NRCAM: variants seen among roughly 807,000 people sequenced by gnomAD.
The protein encoded by NRCAM is neuronal cell adhesion molecule.
NRCAM carries 83 observed loss-of-function variants against 156.5 expected under a neutral mutation model. That is an observed-to-expected ratio of 0.53 (90% CI 0.44 to 0.64). The LOEUF (loss-of-function observed/expected upper bound fraction) is 0.64, where lower values mean the gene tolerates loss of function less well. Ranked by LOEUF, NRCAM falls within the 30% of genes least tolerant of loss-of-function variation. The pLI is 0.00. For synonymous variants in NRCAM, 538 were observed against 563.9 expected (o/e 0.95, Z 0.65); for missense variants, 1,417 against 1,597.3 (o/e 0.89, Z 1.92).
chr7:108,161,409 T>C (rs2048882140), intron 30 of NRCAM, among the ~76,000 whole-genome samples: 1 of 152,204 alleles, frequency 6.6e-6, no homozygotes. Flanking sequence ...AAAGTATCAA[T>C]CTTATGGGAA....
intron 2 of NRCAM, among the ~76,000 whole-genome samples, chr7:108,361,091 C>T (rs1373023457): frequency 6.6e-6 from 1 of 152,048 alleles, no homozygotes; most frequent in African/African-American, 2.4e-5. Flanking sequence ...TGACTAGAGA[C>T]CTCACAAAAT....
At chr7:108,326,879 A>C (rs979974381) in intron 2 of NRCAM, among the ~76,000 whole-genome samples, 2 of 152,176 alleles carry the variant, frequency 1.3e-5, no homozygotes, top group Non-Finnish European at 2.9e-5. Context: ...AGGGATAAAA[A>C]CCTTTTTCAA....
chr7:108,263,020 G>A (rs1259627812), intron 3 of NRCAM, among the ~76,000 whole-genome samples: 1 of 152,166 alleles, frequency 6.6e-6, no homozygotes, highest in Non-Finnish European at 1.5e-5. Context: ...TTGACTTGGG[G>A]GAATGCATAG....
intron 11 of NRCAM, among the ~76,000 whole-genome samples, chr7:108,221,317 C>T (rs2092185172): frequency 6.6e-6 from 1 of 152,284 alleles, no homozygotes; most frequent in Non-Finnish European, 1.5e-5. Flanking sequence ...AAAAGTAGAA[C>T]TGCCATTTCA....
At chr7:108,205,162 A>G (rs939729526) in intron 13 of NRCAM, among the ~76,000 whole-genome samples, 2 of 152,138 alleles carry the variant, frequency 1.3e-5, no homozygotes, top group Non-Finnish European at 2.9e-5. Flanking sequence ...CCCCTCATGA[A>G]TGAGATTGGT....
chr7:108,211,199 A>G (rs1220836170), intron 11 of NRCAM, among the ~76,000 whole-genome samples: 3 of 151,974 alleles, frequency 2.0e-5, no homozygotes, highest in Non-Finnish European at 4.4e-5. Flanking sequence ...GCTGAGTGAA[A>G]TACAGGGGTA....
At chr7:108,350,918 A>G (rs947660628) in intron 2 of NRCAM, among the ~76,000 whole-genome samples, 3 of 152,212 alleles carry the variant, frequency 2.0e-5, no homozygotes, top group Non-Finnish European at 2.9e-5. Context: ...TATATGTTAT[A>G]TACACAAGTT....
At chr7:108,388,607 T>C (rs1159213478) in intron 2 of NRCAM, among the ~76,000 whole-genome samples, 2 of 152,220 alleles carry the variant, frequency 1.3e-5, no homozygotes, top group African/African-American at 4.8e-5. Context: ...CCATTGCTTT[T>C]GGTGTTTTAG....
intron 12 of NRCAM, 123 bp downstream of exon 12, chr7:108,209,298 A>G: frequency 1.5e-6 from 1 of 660,902 alleles, no homozygotes; most frequent in African/African-American, 1.9e-5. Context: ...AAGAGAGTCA[A>G]GGTACCATGA....
rs372267865 is a variant in NRCAM at position 108,329,421 on chromosome 7, C to T, written c.-173-16690G>A. Among the ~76,000 whole-genome samples the T allele has an allele frequency of 9.9e-5, 15 of 152,260 alleles. No homozygotes were observed. In the East Asian group the frequency reaches 2.1e-3, roughly 22 times the overall value. ...CACAAATCCTTAACCATTTATTTTG[C>T]TTAAACTTCTAATGATTGCTTTTCA... On this transcript the variant is annotated intron_variant, in intron 2 of 32. Transcript: ENST00000379028.
At chr7:108,352,240 C>A (rs1408210810) in intron 2 of NRCAM, among the ~76,000 whole-genome samples, 1 of 152,144 alleles carries the variant, frequency 6.6e-6, no homozygotes, top group African/African-American at 2.4e-5. Flanking sequence ...ATCCTATTGG[C>A]AAGTCCCTGG....
At chr7:108,414,001 T>G (rs1406007881) in intron 1 of NRCAM, among the ~76,000 whole-genome samples, 1 of 152,188 alleles carries the variant, frequency 6.6e-6, no homozygotes, top group Non-Finnish European at 1.5e-5. Flanking sequence ...GTAGCTGCTA[T>G]TATAGAGACT....
At chr7:108,438,276 TA>T (rs1834556817) in intron 1 of NRCAM, among the ~76,000 whole-genome samples, 1 of 152,030 alleles carries the variant, frequency 6.6e-6, no homozygotes, top group Non-Finnish European at 1.5e-5. Context: ...GCAAATATCC[TA>T]AAATATTAAC....
chr7:108,230,133 C>T (rs1205846827), intron 8 of NRCAM, among the ~76,000 whole-genome samples: 4 of 152,144 alleles, frequency 2.6e-5, no homozygotes, highest in African/African-American at 9.7e-5. Context: ...GACTTCCTCC[C>T]CGCCATGGGT....
At chr7:108,278,640 G>A (rs984612536) in intron 3 of NRCAM, among the ~76,000 whole-genome samples, 18 of 152,184 alleles carry the variant, frequency 1.2e-4, no homozygotes, top group Admixed American at 2.0e-4. Flanking sequence ...GGAGCATACC[G>A]TTCCTCCAGA....
At chr7:108,365,907 T>C (rs1376093955) in intron 2 of NRCAM, among the ~76,000 whole-genome samples, 2 of 152,256 alleles carry the variant, frequency 1.3e-5, no homozygotes. Context: ...GTGGTCTGAA[T>C]GCATCTCTCA....
intron 2 of NRCAM, among the ~76,000 whole-genome samples, chr7:108,323,839 C>T (rs2099032428): frequency 6.6e-6 from 1 of 152,104 alleles, no homozygotes; most frequent in Non-Finnish European, 1.5e-5. Context: ...CAGGGAAAAA[C>T]CTTCTTGGAA....
intron 26 of NRCAM, among the ~76,000 whole-genome samples, chr7:108,176,996 CAT>C (rs2060747751): frequency 6.6e-6 from 1 of 151,862 alleles, no homozygotes; most frequent in South Asian, 2.1e-4. Flanking sequence ...GTAGAAAATG[CAT>C]ATGTGATTTA....
At chr7:108,151,855 C>A (rs2041853846) in intron 32 of NRCAM, among the ~76,000 whole-genome samples, 1 of 152,112 alleles carries the variant, frequency 6.6e-6, no homozygotes, top group African/African-American at 2.4e-5. Context: ...GAATTTGTCA[C>A]CTGGATTCCA....
Sources: allele counts gnomAD v4.1 joint callset (sites outside exome capture counted in the v4.1 genomes callset), GRCh38; gene constraint gnomAD v4.1.1; transcripts MANE v1.5; gene names NCBI Gene and HGNC (gene_info 2026-07-23, HGNC 2026-07-21).